MECOM: variants seen among roughly 807,000 people sequenced by gnomAD.
The protein encoded by MECOM is histone-lysine N-methyltransferase MECOM.
MECOM carries 13 observed loss-of-function variants against 116.3 expected under a neutral mutation model. The observed-to-expected ratio is 0.11, with a 90% CI of 0.07 to 0.18. The LOEUF (loss-of-function observed/expected upper bound fraction) is 0.18. Among genes scored for constraint, MECOM ranks in the 10% least tolerant of loss-of-function variants. The probability of loss-of-function intolerance (pLI) is 1.00; values close to 1 mark genes in which losing one functional copy is unlikely to be tolerated. For synonymous variants in MECOM, 528 were observed against 535.2 expected (o/e 0.99, Z 0.19); for missense variants, 1,299 against 1,509.0 (o/e 0.86, Z 2.31).
chr3:169,564,784 T>A (rs1453247623), intron 1 of MECOM, among the ~76,000 whole-genome samples: 13 of 152,188 alleles, frequency 8.5e-5, no homozygotes, highest in African/African-American at 3.1e-4. Flanking sequence ...TGATTTCATC[T>A]CACTTAAAAA....
chr3:169,493,755 AG>A (rs900634649), intron 1 of MECOM, among the ~76,000 whole-genome samples: 13 of 152,146 alleles, frequency 8.5e-5, no homozygotes, highest in African/African-American at 3.1e-4. Flanking sequence ...TATTGAAGAA[AG>A]CTTGACAGCA....
intron 2 of MECOM, among the ~76,000 whole-genome samples, chr3:169,353,198 A>G (rs1294891495): frequency 6.6e-6 from 1 of 151,926 alleles, no homozygotes; most frequent in African/African-American, 2.4e-5. Context: ...AATTGCCTCC[A>G]ACTCAGTTAT....
intron 1 of MECOM, among the ~76,000 whole-genome samples, chr3:169,658,137 TG>T (rs34389686): frequency 6.6e-6 from 1 of 151,848 alleles, no homozygotes; most frequent in African/African-American, 2.4e-5. Context: ...GCTAGTGGAG[TG>T]GGGAAGTCGG....
In MECOM at chr3:169,663,632, A is replaced by G. The variant is rs1483605605; in HGVS notation, c.-260T>C. On this transcript the variant is annotated 5_prime_UTR_variant, in exon 1 of 17. Transcript: ENST00000651503. ...TCCCTCCCTCTCTCCCTTTCTCTCA[A>G]TCCACACTCGCTATCTCTCCAGCAT... 3 of 551,702 alleles carry G rather than the reference A, an allele frequency of 5.4e-6. No homozygotes were observed. Among genetic ancestry groups the G allele is most frequent in the Non-Finnish European group, 6.4e-6 (2 of 310,318 alleles). 34.2% of individuals were successfully genotyped at this position (551,702 alleles called of 1,614,324 possible). A position where few individuals can be genotyped will look rare whatever the true frequency, so the allele number is the denominator to read the frequency against.
chr3:169,418,443 C>T (rs530324853), intron 1 of MECOM, among the ~76,000 whole-genome samples: 1 of 151,964 alleles, frequency 6.6e-6, no homozygotes, highest in Non-Finnish European at 1.5e-5. Flanking sequence ...AGAGACACAA[C>T]AAAAAAACAA....
chr3:169,497,773 TA>T (rs1466275226), intron 1 of MECOM, among the ~76,000 whole-genome samples: 1 of 152,224 alleles, frequency 6.6e-6, no homozygotes, highest in East Asian at 1.9e-4. Flanking sequence ...TCATTATGTC[TA>T]AATAAAGTTC....
At chr3:169,592,093 T>C (rs1766490648) in intron 1 of MECOM, among the ~76,000 whole-genome samples, 1 of 152,168 alleles carries the variant, frequency 6.6e-6, no homozygotes, top group African/African-American at 2.4e-5. Context: ...GCAGTTACCC[T>C]TCAACCAGTC....
At chr3:169,147,176 A>C in intron 2 of MECOM, 1 of 985,428 alleles carries the variant, frequency 1.0e-6, no homozygotes, top group African/African-American at 1.7e-5. Flanking sequence ...TCTGAAACCC[A>C]CTAAAACTTC....
chr3:169,365,557 G>T (rs1386939240), intron 2 of MECOM, among the ~76,000 whole-genome samples: 1 of 151,966 alleles, frequency 6.6e-6, no homozygotes, highest in Admixed American at 6.6e-5. Context: ...TGGCATTGTG[G>T]TACATTTCTA....
intron 2 of MECOM, among the ~76,000 whole-genome samples, chr3:169,256,172 T>G (rs1211392998): frequency 1.2e-4 from 19 of 152,206 alleles, no homozygotes; most frequent in Non-Finnish European, 1.5e-5. Flanking sequence ...AATGTCATCC[T>G]AAATTTCCTG....
intron 2 of MECOM, among the ~76,000 whole-genome samples, chr3:169,235,405 T>C (rs1213606711): frequency 6.6e-6 from 1 of 152,162 alleles, no homozygotes; most frequent in Non-Finnish European, 1.5e-5. Flanking sequence ...TCACTTTGTA[T>C]GATCCATAAA....
In MECOM at chr3:169,218,835, T is replaced by C. The variant is rs76312100; in HGVS notation, c.376-75003A>G. 6.2e-3 allele frequency among the ~76,000 whole-genome samples: 946 copies of C among 152,250 alleles called. 12 individuals are homozygous for C. Among genetic ancestry groups the C allele is most frequent in the African/African-American group, 0.022 (896 of 41,538 alleles). ...CTTACAGTTTTATTTTGACAGACAA[T>C]GTTGCACCGTATCCAATTTAAATTT... On this transcript the variant is annotated intron_variant, in intron 2 of 16. Coordinates refer to ENST00000651503, the MANE Select transcript of MECOM (RefSeq NM_004991.4).
intron 5 of MECOM, among the ~76,000 whole-genome samples, chr3:169,123,334 A>T (rs1252868343): frequency 6.6e-6 from 1 of 151,334 alleles, no homozygotes; most frequent in Non-Finnish European, 1.5e-5. Flanking sequence ...TGTATCATAT[A>T]TATATATTAC....
intron 2 of MECOM, among the ~76,000 whole-genome samples, chr3:169,355,582 T>A (rs1727135304): frequency 6.6e-6 from 1 of 151,994 alleles, no homozygotes; most frequent in African/African-American, 2.4e-5. Context: ...TCAAATGTCA[T>A]CACTGATGTC....
rs1041131054 is a variant in MECOM at position 169,319,273 on chromosome 3, G to A, written c.375+61914C>T. On this transcript the variant is annotated intron_variant, in intron 2 of 16. Transcript: ENST00000651503. ...AAAAGGATGAGTTCATGTCCTTTGC[G>A]GGGACATGGATGAAACTGGAAACCA... is the stretch of plus-strand genomic sequence containing the variant. 7.9e-5 allele frequency among the ~76,000 whole-genome samples: 12 copies of A among 152,168 alleles called. No homozygotes were observed. The South Asian group carries it at 1.2e-3, about 16-fold the overall frequency.
At position 169,131,419 on chromosome 3, in the gene MECOM, T is replaced by G. The variant is rs780285480; in HGVS notation, c.613+10A>C. On this transcript the variant is annotated intron_variant, in intron 4 of 16. Coordinates refer to ENST00000651503, the MANE Select transcript of MECOM (RefSeq NM_004991.4). Reference sequence around the variant, plus strand: ...AAGGTGATAAGGAGGGTGGCGTGAGTGGTACTAACCGTGGATATCCGGCGC... The same window carrying G: ...AAGGTGATAAGGAGGGTGGCGTGAGGGGTACTAACCGTGGATATCCGGCGC... 6.2e-7 allele frequency: 1 copy of G among 1,609,414 alleles called. No individual in the cohort carries two copies. The highest frequency in any genetic ancestry group is 2.2e-5 in the East Asian group (1 of 44,858).
At chr3:169,222,698 C>A (rs1202754560) in intron 2 of MECOM, among the ~76,000 whole-genome samples, 1 of 152,170 alleles carries the variant, frequency 6.6e-6, no homozygotes, top group Admixed American at 6.5e-5. Flanking sequence ...GCCAGAGGTA[C>A]ACCAAATGAA....
In MECOM at chr3:169,125,175, G is replaced by A. The variant is rs181923347; in HGVS notation, c.831-2448C>T. Among the ~76,000 whole-genome samples the A allele has an allele frequency of 3.7e-4, 57 of 152,186 alleles. 1 individual carries two copies. Among genetic ancestry groups the A allele is most frequent in the African/African-American group, 1.3e-3 (53 of 41,540 alleles). ...AAAGGTACTAGGAGAGTACAGGTGTGTGGAGTCATAAGAAAGGCCCTAACT... is the reference window on the plus strand; with the variant it reads ...AAAGGTACTAGGAGAGTACAGGTGTATGGAGTCATAAGAAAGGCCCTAACT... On this transcript the variant is annotated intron_variant, in intron 5 of 16. Coordinates refer to ENST00000651503, the MANE Select transcript of MECOM (RefSeq NM_004991.4).
At chr3:169,468,516 C>T (rs1038977466) in intron 1 of MECOM, among the ~76,000 whole-genome samples, 1 of 152,114 alleles carries the variant, frequency 6.6e-6, no homozygotes, top group Non-Finnish European at 1.5e-5. Context: ...TGCCTCAGAG[C>T]CTAGCTCATA....
Sources: gnomAD v4.1 joint callset for allele counts (sites outside exome capture counted in the v4.1 genomes callset) on GRCh38, gnomAD v4.1.1 for gene constraint, MANE v1.5 for transcripts, NCBI Gene and HGNC (gene_info 2026-07-23, HGNC 2026-07-21) for gene names.